The following OPCML variants were observed in gnomAD, a reference collection of about 807,000 sequenced individuals.
OPCML encodes the protein opioid-binding protein/cell adhesion molecule.
Under a neutral mutation model 37.8 loss-of-function variants are expected in OPCML, and 13 were observed. The observed-to-expected ratio is 0.34, with a 90% CI of 0.22 to 0.55. The LOEUF is 0.55. Among genes scored for constraint, OPCML ranks in the 20% least tolerant of loss-of-function variants. The pLI is 0.91. For synonymous variants in OPCML, 176 were observed against 168.8 expected (o/e 1.04, Z -0.33); for missense variants, 341 against 435.6 (o/e 0.78, Z 1.93).
At chr11:133,014,658 C>T (rs1947286537) in intron 1 of OPCML, among the ~76,000 whole-genome samples, 1 of 152,218 alleles carries the variant, frequency 6.6e-6, no homozygotes, top group South Asian at 2.1e-4. Context: ...ACAGGCTCTG[C>T]TCTGTCCTGG....
At position 133,082,490 on chromosome 11, in the gene OPCML, CT is replaced by C. The variant is rs1591984717; in HGVS notation, c.62-139481del. On this transcript the variant is annotated intron_variant, in intron 1 of 7. Transcript: ENST00000524381. ...CCCATCCTCCCCTCCCCACGCTCCC[CT>C]CTTCCCTTCCCCACCTGCCACCCTC... Among the ~76,000 whole-genome samples the C allele has an allele frequency of 4.6e-4, 23 of 50,536 alleles. 4 individuals are homozygous for C. In the East Asian group the frequency reaches 0.015, roughly 32 times the overall value. The allele number at this position is 50,536 out of a possible 152,430, so 33.2% of individuals were successfully genotyped here. A position where few individuals can be genotyped will look rare whatever the true frequency, so the allele number is the denominator to read the frequency against.
intron 1 of OPCML, among the ~76,000 whole-genome samples, chr11:133,129,604 G>A (rs1009854160): frequency 1.3e-5 from 2 of 152,128 alleles, no homozygotes; most frequent in African/African-American, 2.4e-5. Flanking sequence ...AAAGTATCAG[G>A]CATGTAAAGA....
At chr11:132,988,157 C>T (rs1203581196) in intron 1 of OPCML, among the ~76,000 whole-genome samples, 2 of 152,172 alleles carry the variant, frequency 1.3e-5, no homozygotes, top group Middle Eastern at 3.4e-3. Context: ...ACAAGATCAC[C>T]CAGGATGGAT....
chr11:133,121,005 C>T (rs1453431624), intron 1 of OPCML, among the ~76,000 whole-genome samples: 1 of 152,138 alleles, frequency 6.6e-6, no homozygotes, highest in Non-Finnish European at 1.5e-5. Context: ...TCACCGCAAC[C>T]TCTGCTTCCT....
chr11:132,878,697 T>C (rs61111039), intron 2 of OPCML, among the ~76,000 whole-genome samples: 1,581 of 151,826 alleles, frequency 0.01, 32 homozygotes, highest in African/African-American at 0.036. Flanking sequence ...GATCTCTATA[T>C]AGAGAGTGTC....
At chr11:132,895,304 G>A (rs1205348694) in intron 2 of OPCML, among the ~76,000 whole-genome samples, 2 of 152,188 alleles carry the variant, frequency 1.3e-5, no homozygotes, top group Non-Finnish European at 2.9e-5. Flanking sequence ...AATGACTTTG[G>A]TTGGTTGCTC....
At chr11:132,691,566 A>T (rs750270604) in intron 2 of OPCML, among the ~76,000 whole-genome samples, 7 of 152,224 alleles carry the variant, frequency 4.6e-5, no homozygotes, top group Non-Finnish European at 8.8e-5. Flanking sequence ...AGTGTCAGCT[A>T]CATGTGGAGT....
At chr11:133,513,237 G>A (rs1269030633) in intron 1 of OPCML, among the ~76,000 whole-genome samples, 1 of 152,168 alleles carries the variant, frequency 6.6e-6, no homozygotes, top group Non-Finnish European at 1.5e-5. Context: ...AATGTGTGGG[G>A]TTATTAAAAG....
chr11:132,601,801 A>G (rs1034441758), intron 3 of OPCML, among the ~76,000 whole-genome samples: 1 of 152,110 alleles, frequency 6.6e-6, no homozygotes, highest in Non-Finnish European at 1.5e-5. Flanking sequence ...TTTTTCTCCA[A>G]ATGGAGTCAG....
At chr11:133,326,995 G>A (rs1475891239) in intron 1 of OPCML, among the ~76,000 whole-genome samples, 1 of 146,194 alleles carries the variant, frequency 6.8e-6, no homozygotes, top group Non-Finnish European at 1.5e-5. Flanking sequence ...GTGGGTGAGG[G>A]GGTGTGGGTG....
chr11:133,269,360 G>C (rs569848680), intron 1 of OPCML, among the ~76,000 whole-genome samples: 2 of 152,238 alleles, frequency 1.3e-5, no homozygotes, highest in South Asian at 4.2e-4. Context: ...ACAGGGAGAA[G>C]GGACTTTCCT....
intron 1 of OPCML, chr11:133,025,596 C>A: frequency 2.2e-6 from 1 of 464,510 alleles, no homozygotes; most frequent in Non-Finnish European, 2.8e-6. Flanking sequence ...TAATTTCATT[C>A]TTTTTTAATC....
chr11:132,494,741 A>T (rs1482374721), intron 4 of OPCML, among the ~76,000 whole-genome samples: 1 of 152,156 alleles, frequency 6.6e-6, no homozygotes, highest in Admixed American at 6.6e-5. Flanking sequence ...AATATTTTTT[A>T]AAAAACAAAA....
intron 2 of OPCML, among the ~76,000 whole-genome samples, chr11:132,907,994 CAT>C: frequency 6.6e-6 from 1 of 152,218 alleles, no homozygotes; most frequent in Non-Finnish European, 1.5e-5. Flanking sequence ...AGTTCCAAAA[CAT>C]ATTGTGTCCC....
At chr11:133,341,236 A>C (rs183433057) in intron 1 of OPCML, among the ~76,000 whole-genome samples, 49 of 152,320 alleles carry the variant, frequency 3.2e-4, no homozygotes, top group African/African-American at 1.0e-3. Flanking sequence ...TCTAATGAAC[A>C]AAAAATGAAA....
At chr11:133,524,062 T>C (rs1158336649) in intron 1 of OPCML, among the ~76,000 whole-genome samples, 1 of 152,234 alleles carries the variant, frequency 6.6e-6, no homozygotes, top group African/African-American at 2.4e-5. Flanking sequence ...GCAGGAACCA[T>C]AACAATTTCT....
intron 2 of OPCML, among the ~76,000 whole-genome samples, chr11:132,698,775 A>G (rs1248163675): frequency 6.6e-6 from 1 of 152,028 alleles, no homozygotes; most frequent in African/African-American, 2.4e-5. Flanking sequence ...CTTATGTTTA[A>G]GTCTTTAATC....
At chr11:132,674,934 T>C (rs530892705) in intron 2 of OPCML, among the ~76,000 whole-genome samples, 1 of 152,212 alleles carries the variant, frequency 6.6e-6, no homozygotes, top group Admixed American at 6.5e-5. Flanking sequence ...CTCTAAGTTA[T>C]GTCATTTTGT....
intron 1 of OPCML, among the ~76,000 whole-genome samples, chr11:132,964,699 A>G (rs1422963269): frequency 1.3e-5 from 2 of 152,140 alleles, no homozygotes; most frequent in Non-Finnish European, 2.9e-5. Flanking sequence ...GTGACCTTAC[A>G]GTTGGCACCA....
Sources: gnomAD v4.1 joint callset for allele counts (sites outside exome capture counted in the v4.1 genomes callset) on GRCh38, gnomAD v4.1.1 for gene constraint, MANE v1.5 for transcripts, NCBI Gene and HGNC (gene_info 2026-07-23, HGNC 2026-07-21) for gene names.